Variants in SLC10A7 observed in about 807,000 individuals in gnomAD.
SLC10A7 encodes solute carrier family 10 member 7.
A neutral mutation model predicts 43.2 loss-of-function variants in SLC10A7; 29 were observed. The observed-to-expected ratio is 0.67, with a 90% CI of 0.50 to 0.92. The LOEUF is 0.92. Among genes scored for constraint, SLC10A7 ranks in the 40% least tolerant of loss-of-function variants. The pLI is 0.00. For missense variants in SLC10A7, 295 were observed against 403.2 expected, an observed-to-expected ratio of 0.73 and a Z score of 2.30; for synonymous variants, 152 against 144.8, an observed-to-expected ratio of 1.05 and a Z score of -0.35.
chr4:146,511,515 T>C (rs887528786), intron 2 of SLC10A7, among the ~76,000 whole-genome samples: 3 of 152,332 alleles, frequency 2.0e-5, no homozygotes, highest in South Asian at 4.1e-4. Context: ...TAATCAACAG[T>C]ACGTTAATGC....
At chr4:146,334,349 T>C (rs1733736909) in intron 5 of SLC10A7, among the ~76,000 whole-genome samples, 2 of 152,048 alleles carry the variant, frequency 1.3e-5, no homozygotes, top group South Asian at 2.1e-4. Flanking sequence ...TTGAAGCTTA[T>C]TGAAGGCTAG....
chr4:146,508,448 T>A (rs1737132277), intron 3 of SLC10A7, among the ~76,000 whole-genome samples: 1 of 152,212 alleles, frequency 6.6e-6, no homozygotes, highest in Non-Finnish European at 1.5e-5. Context: ...CATTTTACAC[T>A]TTTTGGTGAA....
chr4:146,444,370 T>A (rs775586568), intron 4 of SLC10A7, among the ~76,000 whole-genome samples: 3 of 152,336 alleles, frequency 2.0e-5, no homozygotes, highest in African/African-American at 7.2e-5. Flanking sequence ...TCCCTTTCAC[T>A]AACATTTTAC....
At chr4:146,494,249 G>C (rs1220196872) in intron 4 of SLC10A7, among the ~76,000 whole-genome samples, 1 of 152,172 alleles carries the variant, frequency 6.6e-6, no homozygotes, top group Admixed American at 6.5e-5. Flanking sequence ...AGACCACTAC[G>C]TTAGTAACGG....
At chr4:146,264,495 T>C (rs187917953) in intron 10 of SLC10A7, among the ~76,000 whole-genome samples, 5 of 152,252 alleles carry the variant, frequency 3.3e-5, no homozygotes, top group Non-Finnish European at 5.9e-5. Flanking sequence ...ATTAACAAAA[T>C]ACTTTTTGGG....
intron 10 of SLC10A7, among the ~76,000 whole-genome samples, chr4:146,266,233 T>C (rs1186884208): frequency 6.6e-6 from 1 of 152,250 alleles, no homozygotes; most frequent in African/African-American, 2.4e-5. Context: ...ATTTGAATTC[T>C]ATTTCTTCCT....
chr4:146,443,562 C>A (rs1730776029), intron 4 of SLC10A7, among the ~76,000 whole-genome samples: 1 of 152,038 alleles, frequency 6.6e-6, no homozygotes, highest in South Asian at 2.1e-4. Context: ...TGTATAACAT[C>A]CAATTTGATA....
chr4:146,290,213 A>T (rs1390842555), intron 9 of SLC10A7, among the ~76,000 whole-genome samples: 1 of 150,330 alleles, frequency 6.7e-6, no homozygotes, highest in Admixed American at 6.6e-5. Context: ...AGTCCCAGCT[A>T]CTTGGGAGGC....
chr4:146,347,117 G>A (rs1734678349), intron 5 of SLC10A7, among the ~76,000 whole-genome samples: 1 of 152,108 alleles, frequency 6.6e-6, no homozygotes, highest in Admixed American at 6.5e-5. Flanking sequence ...CCAGAGAAGG[G>A]TAGAGGTGGA....
At chr4:146,492,717 T>C (rs1354634106) in intron 4 of SLC10A7, among the ~76,000 whole-genome samples, 1 of 152,138 alleles carries the variant, frequency 6.6e-6, no homozygotes, top group African/African-American at 2.4e-5. Context: ...CATCTTAATA[T>C]AAAAAGAGAA....
intron 5 of SLC10A7, among the ~76,000 whole-genome samples, chr4:146,353,201 G>A (rs1735273971): frequency 1.3e-5 from 1 of 76,458 alleles, no homozygotes; most frequent in Non-Finnish European, 2.5e-5. Context: ...ATGATAAAGG[G>A]GATATCACCA....
intron 3 of SLC10A7, among the ~76,000 whole-genome samples, chr4:146,505,351 T>A (rs1249945708): frequency 6.6e-6 from 1 of 152,194 alleles, no homozygotes; most frequent in Non-Finnish European, 1.5e-5. Context: ...TCTGGCTTAA[T>A]TGTAAGAATA....
intron 6 of SLC10A7, 80 bp downstream of exon 6, chr4:146,325,881 T>C: frequency 6.2e-6 from 8 of 1,287,680 alleles, no homozygotes; most frequent in Admixed American, 2.0e-5. Flanking sequence ...TCAAATTTCA[T>C]TTTTGTTCTA....
chr4:146,401,589 G>GT (rs1303138168), intron 5 of SLC10A7, among the ~76,000 whole-genome samples: 26 of 151,978 alleles, frequency 1.7e-4, no homozygotes, highest in Non-Finnish European at 3.1e-4. Context: ...GGTTTTTCAT[G>GT]TTTTTTTTCA....
intron 5 of SLC10A7, among the ~76,000 whole-genome samples, chr4:146,378,545 G>A (rs1452707165): frequency 6.6e-6 from 1 of 152,104 alleles, no homozygotes; most frequent in African/African-American, 2.4e-5. Flanking sequence ...ATGCCATAAT[G>A]CTCAATCTAC....
intron 5 of SLC10A7, among the ~76,000 whole-genome samples, chr4:146,409,922 C>T (rs1728056093): frequency 6.6e-6 from 1 of 152,126 alleles, no homozygotes; most frequent in African/African-American, 2.4e-5. Flanking sequence ...TGGAAATAAG[C>T]AATTAATCTT....
intron 4 of SLC10A7, among the ~76,000 whole-genome samples, chr4:146,474,869 G>T (rs2149972647): frequency 6.6e-6 from 1 of 152,222 alleles, no homozygotes; most frequent in Middle Eastern, 3.4e-3. Context: ...ACCCCCAACA[G>T]CTGTTTCTAT....
intron 10 of SLC10A7, among the ~76,000 whole-genome samples, chr4:146,259,924 A>C (rs1361492301): frequency 6.6e-6 from 1 of 152,236 alleles, no homozygotes; most frequent in Non-Finnish European, 1.5e-5. Flanking sequence ...CTAAGCTCCT[A>C]ACCATGTACA....
At chr4:146,486,597 G>C (rs970211130) in intron 4 of SLC10A7, among the ~76,000 whole-genome samples, 2 of 152,168 alleles carry the variant, frequency 1.3e-5, no homozygotes, top group Admixed American at 6.5e-5. Flanking sequence ...ACATTTCTTA[G>C]AATGGGATAT....
Sources: allele counts gnomAD v4.1 joint callset (sites outside exome capture counted in the v4.1 genomes callset), GRCh38; gene constraint gnomAD v4.1.1; transcripts MANE v1.5; gene names NCBI Gene and HGNC (gene_info 2026-07-23, HGNC 2026-07-21).